NACC2: variants seen among roughly 807,000 people sequenced by gnomAD.
The protein encoded by NACC2 is NACC family member 2, also known as nucleus accumbens-associated protein 2.
Under a neutral mutation model 25.1 loss-of-function variants are expected in NACC2, and 8 were observed. The observed-to-expected ratio is 0.32, with a 90% CI of 0.19 to 0.57. The LOEUF is 0.57. Ranked by LOEUF, NACC2 falls within the 20% of genes least tolerant of loss-of-function variation. NACC2 has a pLI of 0.89. For synonymous variants in NACC2, 435 were observed against 294.7 expected (o/e 1.48, Z -4.88); for missense variants, 644 against 650.2 (o/e 0.99, Z 0.10).
At chr9:136,089,179 C>A (rs1198979143) in intron 1 of NACC2, among the ~76,000 whole-genome samples, 1 of 151,958 alleles carries the variant, frequency 6.6e-6, no homozygotes, top group African/African-American at 2.4e-5. Context: ...CACAGGCTAC[C>A]CCCGGGCCCC....
At chr9:136,038,965 A>G (rs1275435252) in intron 2 of NACC2, among the ~76,000 whole-genome samples, 3 of 152,254 alleles carry the variant, frequency 2.0e-5, no homozygotes. Context: ...AAGATGGTAG[A>G]CGTACACCTA....
At chr9:136,031,026 C>T (rs1165057921) in intron 2 of NACC2, among the ~76,000 whole-genome samples, 1 of 152,116 alleles carries the variant, frequency 6.6e-6, no homozygotes, top group Admixed American at 6.5e-5. Flanking sequence ...AAACCTGACA[C>T]AAGAGGAAAT....
intron 1 of NACC2, among the ~76,000 whole-genome samples, chr9:136,060,633 G>A (rs543832517): frequency 6.6e-6 from 1 of 152,352 alleles, no homozygotes; most frequent in Non-Finnish European, 1.5e-5. Context: ...GGCCAAGGCC[G>A]CACCCCAGCA....
At chr9:136,045,564 G>GGC in intron 2 of NACC2, among the ~76,000 whole-genome samples, 1 of 152,322 alleles carries the variant, frequency 6.6e-6, no homozygotes, top group South Asian at 2.1e-4. Flanking sequence ...ATCAGGCACA[G>GGC]GAGGGGGTGT....
In NACC2 at chr9:136,019,799, C is replaced by T. The variant is rs1268613789; in HGVS notation, c.887-3370G>A. 2.0e-5 allele frequency among the ~76,000 whole-genome samples: 3 copies of T among 152,224 alleles called. No individual in the cohort carries two copies. Among genetic ancestry groups the T allele is most frequent in the South Asian group, 2.1e-4 (1 of 4,822 alleles). On this transcript the variant is annotated intron_variant, in intron 2 of 5. Coordinates refer to ENST00000277554, the MANE Select transcript of NACC2 (RefSeq NM_144653.5). This position sits in a 1 kb window ranked among gnomAD's most constrained non-coding sequence, Gnocchi z 5.2. ...CCTTCAGGGACCCAGAAGGAGCCCC[C>T]GCCGTACCTTCCAGGCCCTTCTGCT...
At chr9:136,059,645 G>A (rs908742725) in intron 1 of NACC2, among the ~76,000 whole-genome samples, 4 of 152,228 alleles carry the variant, frequency 2.6e-5, no homozygotes, top group Admixed American at 2.0e-4. Flanking sequence ...CCGCAGGGCC[G>A]GGACTTCCAG....
At chr9:136,017,214 C>T (rs1489854053) in intron 2 of NACC2, among the ~76,000 whole-genome samples, 1 of 152,180 alleles carries the variant, frequency 6.6e-6, no homozygotes, top group Non-Finnish European at 1.5e-5. Context: ...CGCCCTGCAT[C>T]CTCAGGACCT....
intron 2 of NACC2, among the ~76,000 whole-genome samples, chr9:136,024,223 GAC>G (rs1840344212): frequency 2.7e-5 from 1 of 37,120 alleles, no homozygotes; most frequent in African/African-American, 8.7e-5. Context: ...TGTGTGTGAG[GAC>G]AGAGGGTGTG....
At chr9:136,070,374 G>C (rs1024055210) in intron 1 of NACC2, among the ~76,000 whole-genome samples, 16 of 151,802 alleles carry the variant, frequency 1.1e-4, no homozygotes, top group African/African-American at 3.7e-4. Context: ...CGGGCGTGGT[G>C]GTGGGCGCCT....
chr9:136,050,069 C>T lies in NACC2; in HGVS notation c.453G>A (p.Pro151=), dbSNP rs1840796651. 1.4e-6 allele frequency: 1 copy of T among 735,296 alleles called. No homozygotes were observed. The highest frequency in any genetic ancestry group is 2.5e-6 in the Non-Finnish European group (1 of 401,832). The allele number at this position is 735,296 out of a possible 1,614,324, so 45.5% of individuals were successfully genotyped here. A position where few individuals can be genotyped will look rare whatever the true frequency, so the allele number is the denominator to read the frequency against. Reference sequence around the variant, plus strand: ...CGTAGGGGGCCGCGGCGGCGGCGGCCGGCTGCAGCTGGTTGCAGGGGCTCT... The same window carrying T: ...CGTAGGGGGCCGCGGCGGCGGCGGCTGGCTGCAGCTGGTTGCAGGGGCTCT... ...EPQSPCNQLQ[P]AAAAAAPYVV... Residue 151 remains proline (P), a synonymous_variant, in exon 2 of 6, where the codon CCG becomes CCA. Coordinates refer to ENST00000277554, the MANE Select transcript of NACC2 (RefSeq NM_144653.5).
Position 136,006,894 on chromosome 9 carries a change from A to G in NACC2, c.*4622T>C, listed in dbSNP as rs992812451. The G allele has an allele frequency of 1.3e-5, 2 of 152,386 alleles. No individual in the cohort carries two copies. The highest frequency in any genetic ancestry group is 2.9e-5 in the Non-Finnish European group (2 of 68,196). 9.4% of individuals were successfully genotyped at this position (152,386 alleles called of 1,614,324 possible). A position where few individuals can be genotyped will look rare whatever the true frequency, so the allele number is the denominator to read the frequency against. ...GTACTGTGAAACCTTCCTTTACAGC[A>G]CAGGAAAATTTATTTTTTAACAGTC... On this transcript the variant is annotated 3_prime_UTR_variant, in exon 6 of 6. Coordinates refer to ENST00000277554, the MANE Select transcript of NACC2 (RefSeq NM_144653.5).
At chr9:136,070,924 TGGAA>T (rs1158761221) in intron 1 of NACC2, among the ~76,000 whole-genome samples, 1 of 151,772 alleles carries the variant, frequency 6.6e-6, no homozygotes. Context: ...AAGGATAACG[TGGAA>T]ATAGTAAGAA....
chr9:136,064,289 A>G (rs75319824), intron 1 of NACC2, among the ~76,000 whole-genome samples: 1 of 152,072 alleles, frequency 6.6e-6, no homozygotes, highest in Non-Finnish European at 1.5e-5. Flanking sequence ...GCCCTGCCTC[A>G]AAAAAAAGAC....
intron 1 of NACC2, among the ~76,000 whole-genome samples, chr9:136,068,651 T>C (rs2131176616): frequency 6.6e-6 from 1 of 151,934 alleles, no homozygotes; most frequent in South Asian, 2.1e-4. Flanking sequence ...TGTGACTATA[T>C]ACTAAAAACC....
chr9:136,066,904 T>C (rs978275257), intron 1 of NACC2, among the ~76,000 whole-genome samples: 1 of 151,142 alleles, frequency 6.6e-6, no homozygotes, highest in African/African-American at 2.4e-5. Flanking sequence ...TATTATGAGA[T>C]TCCATTTATA....
At position 136,086,546 on chromosome 9, in the gene NACC2, C is replaced by T. The variant is rs1290045141; in HGVS notation, c.-60+8643G>A. 7.9e-5 allele frequency among the ~76,000 whole-genome samples: 12 copies of T among 152,080 alleles called. No individual in the cohort carries two copies. The highest frequency in any genetic ancestry group is 1.8e-4 in the Non-Finnish European group (12 of 67,996). ...CCATCTGCCTGCCAGCACCCAGCCA[C>T]GGTCCCACCCCGGGCTCCACTGTGA... On this transcript the variant is annotated intron_variant, in intron 1 of 5. Coordinates refer to ENST00000277554, the MANE Select transcript of NACC2 (RefSeq NM_144653.5). This position sits in a 1 kb window ranked among gnomAD's most constrained non-coding sequence, Gnocchi z 5.6.
At chr9:136,041,981 C>T (rs887620300) in intron 2 of NACC2, among the ~76,000 whole-genome samples, 3 of 151,886 alleles carry the variant, frequency 2.0e-5, no homozygotes, top group Non-Finnish European at 4.4e-5. Flanking sequence ...CAAAGGACTA[C>T]GATAATCCTT....
At position 136,085,032 on chromosome 9, in the gene NACC2, T is replaced by G. The variant is rs188915674; in HGVS notation, c.-60+10157A>C. ...GCAGCGCAAAAATGTGCATGCTTCA[T>G]TCCACTGAAAAAGCTAAAACGGTAA... On this transcript the variant is annotated intron_variant, in intron 1 of 5. Coordinates refer to ENST00000277554, the MANE Select transcript of NACC2 (RefSeq NM_144653.5). Among the ~76,000 whole-genome samples, 20 of 152,164 alleles carry G rather than the reference T, an allele frequency of 1.3e-4. No homozygotes were observed. In the East Asian group the frequency reaches 3.9e-3, roughly 29 times the overall value.
At position 136,020,370 on chromosome 9, in the gene NACC2, T is replaced by C. The variant is rs985407429; in HGVS notation, c.887-3941A>G. 1.3e-5 allele frequency among the ~76,000 whole-genome samples: 2 copies of C among 152,008 alleles called. No individual in the cohort carries two copies. The highest frequency in any genetic ancestry group is 4.8e-5 in the African/African-American group (2 of 41,406). On this transcript the variant is annotated intron_variant, in intron 2 of 5. Coordinates refer to ENST00000277554, the MANE Select transcript of NACC2 (RefSeq NM_144653.5). The surrounding 1 kb of genome is among the most constrained non-coding windows in gnomAD (Gnocchi z 4.7). ...CCCACGGGCCAACACCACGGCAGGA[T>C]GTCCCAGATGGCGAGCCCTGTTCCT...
Sources: gnomAD v4.1 joint callset for allele counts (sites outside exome capture counted in the v4.1 genomes callset) on GRCh38, gnomAD v4.1.1 for gene constraint, Gnocchi (gnomAD v3.1) non-coding constraint, MANE v1.5 for transcripts, NCBI Gene and HGNC (gene_info 2026-07-23, HGNC 2026-07-21) for gene names.